PATJ: variants seen among roughly 807,000 people sequenced by gnomAD.
PATJ encodes PATJ crumbs cell polarity complex component, also known as inaD-like protein.
A neutral mutation model predicts 224.9 loss-of-function variants in PATJ; 190 were observed. The ratio of observed to expected loss-of-function variants is 0.84; its 90% CI spans 0.75 to 0.95. The LOEUF is 0.95. Ranked by LOEUF, PATJ falls within the 40% of genes least tolerant of loss-of-function variation. PATJ has a pLI of 0.00. For synonymous variants in PATJ, 769 were observed against 820.3 expected, an observed-to-expected ratio of 0.94 and a Z score of 1.07; for missense variants, 2,121 against 2,270.3, an observed-to-expected ratio of 0.93 and a Z score of 1.34.
chr1:61,803,286 ATAAAT>A (rs1160265006), intron 12 of PATJ, among the ~76,000 whole-genome samples: 3 of 152,198 alleles, frequency 2.0e-5, no homozygotes, highest in Admixed American at 2.0e-4. Flanking sequence ...GCTTAATAAA[ATAAAT>A]AAAAGATAAA....
At chr1:61,883,204 A>G (rs1470633280) in intron 21 of PATJ, among the ~76,000 whole-genome samples, 2 of 152,244 alleles carry the variant, frequency 1.3e-5, no homozygotes, top group Non-Finnish European at 2.9e-5. Context: ...AACTAGGAAG[A>G]ACATAAGAAG....
At chr1:61,754,518 ATGT>A (rs1333081793) in intron 1 of PATJ, among the ~76,000 whole-genome samples, 34 of 108,432 alleles carry the variant, frequency 3.1e-4, no homozygotes, top group Admixed American at 3.5e-4. Flanking sequence ...AATTTTTTGC[ATGT>A]TTTTTTTTTT....
chr1:61,914,584 T>G lies in PATJ; in HGVS notation c.3493-3T>G. 6.9e-7 allele frequency: 1 copy of G among 1,458,972 alleles called. No individual in the cohort carries two copies. Among genetic ancestry groups the G allele is most frequent in the South Asian group, 1.2e-5 (1 of 84,536 alleles). The allele number at this position is 1,458,972 out of a possible 1,614,324, so 90.4% of individuals were successfully genotyped here. A position where few individuals can be genotyped will look rare whatever the true frequency, so the allele number is the denominator to read the frequency against. On this transcript the variant is annotated splice_polypyrimidine_tract_variant and splice_region_variant and intron_variant, in intron 25 of 43. Coordinates refer to ENST00000642238, the MANE Select transcript of PATJ (RefSeq NM_001350145.3). Reference sequence around the variant, plus strand: ...CCCCCCACCCCTTTTTTTGTCACCATAGGTCATTCCTAACGTACATAACAA... The same window carrying G: ...CCCCCCACCCCTTTTTTTGTCACCAGAGGTCATTCCTAACGTACATAACAA...
chr1:62,006,977 T>G (rs1001174802), intron 28 of PATJ, among the ~76,000 whole-genome samples: 4 of 152,184 alleles, frequency 2.6e-5, no homozygotes, highest in African/African-American at 9.7e-5. Context: ...CTGAATACTG[T>G]AGGCAACTGT....
chr1:62,106,981 A>G (rs1169149057), intron 33 of PATJ, among the ~76,000 whole-genome samples: 1 of 152,132 alleles, frequency 6.6e-6, no homozygotes. Context: ...TGTGGGACCC[A>G]TAGACCTCTG....
At chr1:61,768,902 A>G (rs1646447084) in intron 4 of PATJ, among the ~76,000 whole-genome samples, 1 of 139,526 alleles carries the variant, frequency 7.2e-6, no homozygotes, top group African/African-American at 2.7e-5. Context: ...CCTGTCTCCA[A>G]GAAAAAAAAT....
intron 1 of PATJ, among the ~76,000 whole-genome samples, chr1:61,753,698 T>TG (rs1645460592): frequency 6.6e-6 from 1 of 151,656 alleles, no homozygotes; most frequent in African/African-American, 2.4e-5. Flanking sequence ...TTAGTAGAGA[T>TG]GGGGTTTCAC....
rs186620166 is a variant in PATJ at position 62,086,993 on chromosome 1, T to A, written c.4377+2345T>A. Among the ~76,000 whole-genome samples the A allele has an allele frequency of 1.7e-4, 26 of 152,208 alleles. No homozygotes were observed. The highest frequency in any genetic ancestry group is 6.3e-4 in the African/African-American group (26 of 41,522). ...GGACAGCGGTACGTTATCAGCTCAG[T>A]GGGCCCCTTGCCTTGTTGCATGGGG... On this transcript the variant is annotated intron_variant, in intron 33 of 43. Transcript: ENST00000642238. This position sits in a 1 kb window ranked among gnomAD's most constrained non-coding sequence, Gnocchi z 4.0.
intron 21 of PATJ, among the ~76,000 whole-genome samples, chr1:61,880,840 T>A (rs564330970): frequency 6.6e-6 from 1 of 152,220 alleles, no homozygotes; most frequent in Non-Finnish European, 1.5e-5. Context: ...ATGCCTGTAA[T>A]CCCAACACTT....
intron 30 of PATJ, among the ~76,000 whole-genome samples, chr1:62,047,017 A>T (rs558729224): frequency 1.3e-5 from 2 of 152,228 alleles, no homozygotes; most frequent in African/African-American, 4.8e-5. Context: ...GACCAAGAAT[A>T]TCTTATCTTC....
At chr1:61,928,470 T>C (rs185128215) in intron 27 of PATJ, among the ~76,000 whole-genome samples, 2 of 152,306 alleles carry the variant, frequency 1.3e-5, no homozygotes, top group African/African-American at 2.4e-5. Flanking sequence ...CACTGACTTA[T>C]ACATTGTAAA....
chr1:61,821,300 T>C (rs1202741991), intron 14 of PATJ, among the ~76,000 whole-genome samples: 3 of 152,130 alleles, frequency 2.0e-5, no homozygotes, highest in African/African-American at 7.2e-5. Context: ...CCGCTCGGCC[T>C]CCCAAAGTGT....
intron 32 of PATJ, among the ~76,000 whole-genome samples, chr1:62,080,360 C>T (rs886261247): frequency 6.6e-6 from 1 of 151,732 alleles, no homozygotes; most frequent in African/African-American, 2.4e-5. Context: ...GAGACAGAGT[C>T]TCATTCTGTC....
At chr1:62,038,595 A>T (rs909951730) in intron 30 of PATJ, 2 of 166,452 alleles carry the variant, frequency 1.2e-5, no homozygotes, top group African/African-American at 4.8e-5. Context: ...AGAAATACAT[A>T]CTTATTGTTA....
At chr1:61,871,553 ATATAT>A (rs1488625219) in intron 20 of PATJ, among the ~76,000 whole-genome samples, 4 of 25,544 alleles carry the variant, frequency 1.6e-4, no homozygotes, top group Admixed American at 8.4e-4. Flanking sequence ...ATATATATAT[ATATAT>A]TTTTTTTTTT....
At chr1:62,136,477 TTGTGTG>T (rs111398189) in intron 41 of PATJ, among the ~76,000 whole-genome samples, 21 of 149,108 alleles carry the variant, frequency 1.4e-4, no homozygotes, top group Admixed American at 3.4e-4. Context: ...TGGGCTTTTC[TTGTGTG>T]TGTGTGTGTG....
At chr1:61,869,097 A>T (rs550000375) in intron 20 of PATJ, among the ~76,000 whole-genome samples, 9,733 of 125,692 alleles carry the variant, frequency 0.077, 483 homozygotes, top group South Asian at 0.16. Context: ...TGGAAATAAC[A>T]TTTTTTTTTT....
chr1:62,121,005 G>A (rs1207099244), intron 37 of PATJ, 176 bp from the exon 38 acceptor site: 2 of 501,162 alleles, frequency 4.0e-6, no homozygotes, highest in Non-Finnish European at 7.1e-6. Flanking sequence ...AAATGGGATT[G>A]GGTTGAGGTA....
intron 27 of PATJ, among the ~76,000 whole-genome samples, chr1:61,970,477 A>T (rs1338695568): frequency 2.6e-5 from 4 of 152,054 alleles, no homozygotes; most frequent in Non-Finnish European, 5.9e-5. Flanking sequence ...CTTACCACAC[A>T]GTATTATACA....
Sources: allele counts gnomAD v4.1 joint callset (sites outside exome capture counted in the v4.1 genomes callset), GRCh38; gene constraint gnomAD v4.1.1; non-coding constraint Gnocchi (gnomAD v3.1); transcripts MANE v1.5; gene names NCBI Gene and HGNC (gene_info 2026-07-23, HGNC 2026-07-21).